The following TTC13 variants were observed in gnomAD, a reference collection of about 807,000 sequenced individuals.
TTC13 encodes the protein tetratricopeptide repeat protein 13.
TTC13 carries 62 observed loss-of-function variants against 120.0 expected under a neutral mutation model. The ratio of observed to expected loss-of-function variants is 0.52; its 90% CI spans 0.42 to 0.64. The LOEUF is 0.64. Ranked by LOEUF, TTC13 falls within the 30% of genes least tolerant of loss-of-function variation. The pLI is 0.00. For synonymous variants in TTC13, 384 were observed against 393.5 expected (o/e 0.98, Z 0.28); for missense variants, 824 against 1,050.2 (o/e 0.78, Z 2.98).
rs188396711 is a variant in TTC13, at chr1:230,915,577, T to A, written c.2093+616A>T. ...ATTCTACATCTATACAATGGAATAT[T>A]ATGCAGTTACTAAAAATACTTTTAA... On this transcript the variant is annotated intron_variant, in intron 18 of 22. Coordinates refer to ENST00000366661, the MANE Select transcript of TTC13 (RefSeq NM_024525.5). Among the ~76,000 whole-genome samples, 308 of 152,336 alleles carry A rather than the reference T, an allele frequency of 2.0e-3. 2 individuals carry two copies. Among genetic ancestry groups the A allele is most frequent in the African/African-American group, 7.2e-3 (299 of 41,574 alleles).
chr1:230,958,777 G>C (rs540048984), intron 2 of TTC13, among the ~76,000 whole-genome samples: 8 of 152,160 alleles, frequency 5.3e-5, no homozygotes, highest in Non-Finnish European at 1.2e-4. Flanking sequence ...GATCACTTGA[G>C]CTCCGGAATT....
intron 3 of TTC13, 115 bp from the exon 4 acceptor site, chr1:230,954,518 A>G: frequency 1.4e-6 from 1 of 731,442 alleles, no homozygotes; most frequent in Non-Finnish European, 2.2e-6. Flanking sequence ...GGAAGCAGTT[A>G]AAGAAAACCT....
intron 12 of TTC13, among the ~76,000 whole-genome samples, chr1:230,927,895 A>G (rs1673175597): frequency 6.6e-6 from 1 of 152,218 alleles, no homozygotes; most frequent in Non-Finnish European, 1.5e-5. Context: ...TATTTTATCC[A>G]TAAAATAACT....
At chr1:230,971,216 G>A (rs1677703912) in intron 1 of TTC13, among the ~76,000 whole-genome samples, 1 of 151,764 alleles carries the variant, frequency 6.6e-6, no homozygotes, top group South Asian at 2.1e-4. Flanking sequence ...CGTGGTGGCG[G>A]GCGCCTGTAG....
chr1:230,936,524 G>T, intron 8 of TTC13: 1 of 254,178 alleles, frequency 3.9e-6, no homozygotes, highest in Non-Finnish European at 7.8e-6. Flanking sequence ...CGCATGGTTT[G>T]TGAAATATCC....
intron 18 of TTC13, among the ~76,000 whole-genome samples, chr1:230,915,567 A>C (rs1236573826): frequency 2.0e-5 from 3 of 152,228 alleles, no homozygotes; most frequent in Non-Finnish European, 4.4e-5. Context: ...ACATCTATAC[A>C]ATGGAATATT....
intron 1 of TTC13, 86 bp from the exon 2 acceptor site, chr1:230,961,389 A>G (rs1168208897): frequency 1.0e-6 from 1 of 976,202 alleles, no homozygotes; most frequent in African/African-American, 1.6e-5. Flanking sequence ...TTTAGACTCC[A>G]CAGAACCAAA....
intron 11 of TTC13, among the ~76,000 whole-genome samples, chr1:230,930,512 C>T (rs1262885729): frequency 5.3e-5 from 8 of 152,098 alleles, no homozygotes; most frequent in African/African-American, 1.4e-4. Flanking sequence ...AAAACTACAA[C>T]TAATAAAAGG....
intron 4 of TTC13, among the ~76,000 whole-genome samples, chr1:230,951,667 A>C (rs1339826947): frequency 5.3e-5 from 8 of 152,208 alleles, no homozygotes; most frequent in Admixed American, 3.9e-4. Context: ...GAAATACTGG[A>C]TATGAAAAAG....
chr1:230,936,085 C>T (rs538170989), intron 8 of TTC13: 3 of 432,572 alleles, frequency 6.9e-6, no homozygotes, highest in South Asian at 3.3e-5. Flanking sequence ...ACGAGCCCAT[C>T]GGGGCGTGTT....
At chr1:230,961,638 T>A (rs1197870991) in intron 1 of TTC13, among the ~76,000 whole-genome samples, 1 of 152,188 alleles carries the variant, frequency 6.6e-6, no homozygotes, top group Non-Finnish European at 1.5e-5. Flanking sequence ...GGTTTGCAAG[T>A]ATCTTGCACA....
chr1:230,946,080 C>A (rs768721883), intron 4 of TTC13, among the ~76,000 whole-genome samples: 2 of 152,176 alleles, frequency 1.3e-5, no homozygotes, highest in Non-Finnish European at 2.9e-5. Context: ...TCTATCAGGA[C>A]CAAGGACAAA....
At chr1:230,958,986 ACT>A (rs1434444657) in intron 2 of TTC13, among the ~76,000 whole-genome samples, 4 of 152,182 alleles carry the variant, frequency 2.6e-5, no homozygotes, top group Non-Finnish European at 4.4e-5. Flanking sequence ...AAACAGTGAG[ACT>A]CTGTCTCAAA....
intron 15 of TTC13, among the ~76,000 whole-genome samples, chr1:230,922,164 C>G (rs903920545): frequency 6.2e-4 from 95 of 152,276 alleles, no homozygotes; most frequent in African/African-American, 2.2e-3. Flanking sequence ...ACCTACTTTT[C>G]GTTCTGGTGC....
At chr1:230,939,539 T>C (rs1413549195) in intron 7 of TTC13, 43 bp from the exon 8 acceptor site, 10 of 1,317,394 alleles carry the variant, frequency 7.6e-6, no homozygotes, top group South Asian at 1.3e-5. Flanking sequence ...TAGTATTCAT[T>C]AGATATGTGA....
chr1:230,932,577 T>C (rs1673654117), intron 9 of TTC13, among the ~76,000 whole-genome samples: 1 of 152,220 alleles, frequency 6.6e-6, no homozygotes. Flanking sequence ...GTGAACATTT[T>C]TTAAAAATAT....
In TTC13 at chr1:230,943,806, T is replaced by C; in HGVS notation, c.672A>G (p.Glu224=). The C allele has an allele frequency of 6.2e-7, 1 of 1,606,652 alleles. No homozygotes were observed. The highest frequency in any genetic ancestry group is 2.2e-5 in the East Asian group (1 of 44,740). The change falls in exon 6 of 23, where the codon GAA becomes GAG. Residue 224 remains glutamate, a splice_region_variant and synonymous_variant. Transcript: ENST00000366661. ...GAGGGAAAAAGAAAGCCACACTCAC[T>C]TCTGCTCGCTGCTCAAATACCTCTG... ...DRPEVFEQRA[E]ILSPLGRINE...
rs1269924416 is a variant in TTC13 at position 230,942,153 on chromosome 1, TG to T, written c.673-1598del. On this transcript the variant is annotated intron_variant, in intron 6 of 22. Coordinates refer to ENST00000366661, the MANE Select transcript of TTC13 (RefSeq NM_024525.5). This position sits in a 1 kb window ranked among gnomAD's most constrained non-coding sequence, Gnocchi z 4.0. Reference sequence around the variant, plus strand: ...GTAGTTTTTTATTAGATATGCAAATTGTAAAGACCTGTTAAATAATTCTTAC... The same window carrying T: ...GTAGTTTTTTATTAGATATGCAAATTTAAAGACCTGTTAAATAATTCTTAC... Among the ~76,000 whole-genome samples the T allele has an allele frequency of 6.6e-6, 1 of 152,204 alleles. No homozygotes were observed. The highest frequency in any genetic ancestry group is 1.5e-5 in the Non-Finnish European group (1 of 68,030).
chr1:230,947,492 G>A (rs561197916), intron 4 of TTC13, among the ~76,000 whole-genome samples: 107 of 152,068 alleles, frequency 7.0e-4, no homozygotes, highest in Non-Finnish European at 7.9e-4. Flanking sequence ...GCTTCCCTGG[G>A]CCACATTGGG....
Sources: gnomAD v4.1 joint callset for allele counts (sites outside exome capture counted in the v4.1 genomes callset) on GRCh38, gnomAD v4.1.1 for gene constraint, Gnocchi (gnomAD v3.1) non-coding constraint, MANE v1.5 for transcripts, NCBI Gene and HGNC (gene_info 2026-07-23, HGNC 2026-07-21) for gene names.